Variants in PRKD1 observed in about 807,000 individuals in gnomAD.
The protein encoded by PRKD1 is serine/threonine-protein kinase D1.
PRKD1 carries 63 observed loss-of-function variants against 95.9 expected under a neutral mutation model. The observed-to-expected ratio is 0.66, with a 90% CI of 0.54 to 0.81. The LOEUF (loss-of-function observed/expected upper bound fraction) is 0.81. Ranked by LOEUF, PRKD1 falls within the 30% of genes least tolerant of loss-of-function variation. The probability of loss-of-function intolerance (pLI) is 0.00; values close to 1 mark genes in which losing one functional copy is unlikely to be tolerated. For missense variants in PRKD1, 1,048 were observed against 1,165.3 expected (o/e 0.90, Z 1.47); for synonymous variants, 425 against 423.1 (o/e 1.00, Z -0.05).
At position 29,889,219 on chromosome 14, in the gene PRKD1, T is replaced by G. The variant is rs200014069; in HGVS notation, c.264+38030A>C. On this transcript the variant is annotated intron_variant, in intron 1 of 17. Transcript: ENST00000331968. ...AGCCTTTACTTCATTCAGACTCCAC[T>G]CAGTTGTCACCTCTCCAAGAGGCCC... 6.6e-5 allele frequency among the ~76,000 whole-genome samples: 10 copies of G among 152,318 alleles called. No individual in the cohort carries two copies. The East Asian group carries it at 1.9e-3, about 29-fold the overall frequency.
intron 1 of PRKD1, among the ~76,000 whole-genome samples, chr14:29,824,834 AT>A (rs1452742555): frequency 6.6e-6 from 1 of 152,034 alleles, no homozygotes; most frequent in Non-Finnish European, 1.5e-5. Flanking sequence ...TTACTTATAT[AT>A]ATATATTTTT....
At chr14:29,710,559 T>G (rs984468710) in intron 2 of PRKD1, among the ~76,000 whole-genome samples, 1 of 152,106 alleles carries the variant, frequency 6.6e-6, no homozygotes, top group African/African-American at 2.4e-5. Flanking sequence ...TGAGAAACCG[T>G]CACAGACCAG....
At chr14:29,614,898 G>A (rs970834835) in intron 13 of PRKD1, among the ~76,000 whole-genome samples, 6 of 137,696 alleles carry the variant, frequency 4.4e-5, no homozygotes, top group Non-Finnish European at 7.6e-5. Flanking sequence ...TTTTAGTAGA[G>A]ACAGGGTTTC....
chr14:29,901,452 T>G (rs115841530), intron 1 of PRKD1, among the ~76,000 whole-genome samples: 1 of 152,186 alleles, frequency 6.6e-6, no homozygotes, highest in Admixed American at 6.5e-5. Flanking sequence ...AATATACGCA[T>G]TTAACGAACC....
chr14:29,872,001 C>T (rs1446005130), intron 1 of PRKD1, among the ~76,000 whole-genome samples: 1 of 152,164 alleles, frequency 6.6e-6, no homozygotes, highest in Non-Finnish European at 1.5e-5. Context: ...TGGAAAATGT[C>T]ATTTTCAGTT....
At chr14:29,893,687 A>T (rs551332144) in intron 1 of PRKD1, among the ~76,000 whole-genome samples, 2 of 152,344 alleles carry the variant, frequency 1.3e-5, no homozygotes, top group South Asian at 2.1e-4. Flanking sequence ...GTCTTCCATA[A>T]TATCGCTAGC....
At chr14:29,740,258 T>C (rs1380622425) in intron 1 of PRKD1, among the ~76,000 whole-genome samples, 1 of 152,198 alleles carries the variant, frequency 6.6e-6, no homozygotes, top group Non-Finnish European at 1.5e-5. Flanking sequence ...ATGAAGATTT[T>C]TATATTTCAT....
intron 1 of PRKD1, among the ~76,000 whole-genome samples, chr14:29,904,003 T>C (rs1460901874): frequency 1.3e-5 from 2 of 152,108 alleles, no homozygotes; most frequent in Non-Finnish European, 2.9e-5. Context: ...CACACACACA[T>C]ATAACTGCCT....
intron 1 of PRKD1, among the ~76,000 whole-genome samples, chr14:29,775,814 G>A (rs1888718962): frequency 6.6e-6 from 1 of 152,142 alleles, no homozygotes; most frequent in African/African-American, 2.4e-5. Context: ...TCCCAGCATG[G>A]AGTTTGAGAT....
rs1318208665 is a variant in PRKD1, at chr14:29,821,895, GCAGA to G, written c.265-96225_265-96222del. On this transcript the variant is annotated intron_variant, in intron 1 of 17. Transcript: ENST00000331968. ...ACACACCCACACACAACCTCCTCAA[GCAGA>G]CAGACTCCACAGTCAGAGCAACCTT... 3.3e-5 allele frequency among the ~76,000 whole-genome samples: 5 copies of G among 151,852 alleles called. No homozygotes were observed. The South Asian group carries it at 8.4e-4, about 25-fold the overall frequency.
intron 2 of PRKD1, among the ~76,000 whole-genome samples, chr14:29,683,302 C>T (rs894729793): frequency 6.6e-6 from 1 of 152,106 alleles, no homozygotes; most frequent in Admixed American, 6.6e-5. Context: ...TGACAATGAG[C>T]CCTTACAACT....
At chr14:29,675,551 C>A (rs908426174) in intron 2 of PRKD1, among the ~76,000 whole-genome samples, 1 of 152,082 alleles carries the variant, frequency 6.6e-6, no homozygotes, top group Non-Finnish European at 1.5e-5. Context: ...CTAGTTCAAC[C>A]ATTGTGGAAG....
chr14:29,671,901 T>C (rs1882866233), intron 2 of PRKD1, among the ~76,000 whole-genome samples: 1 of 152,162 alleles, frequency 6.6e-6, no homozygotes, highest in Admixed American at 6.5e-5. Context: ...AAATATTCTA[T>C]AAAATGTTGA....
At chr14:29,888,958 C>G (rs1893839216) in intron 1 of PRKD1, among the ~76,000 whole-genome samples, 1 of 152,160 alleles carries the variant, frequency 6.6e-6, no homozygotes, top group South Asian at 2.1e-4. Flanking sequence ...CAGTTACAGT[C>G]ACCCGAACCT....
intron 2 of PRKD1, among the ~76,000 whole-genome samples, chr14:29,718,810 G>T (rs1422731653): frequency 6.6e-6 from 1 of 152,114 alleles, no homozygotes; most frequent in East Asian, 1.9e-4. Context: ...GGCTGAGAAG[G>T]TGTTGCCCAC....
chr14:29,591,898 G>A (rs1330883078), intron 16 of PRKD1, among the ~76,000 whole-genome samples: 2 of 151,932 alleles, frequency 1.3e-5, no homozygotes, highest in African/African-American at 4.8e-5. Context: ...TCTTGTTCTT[G>A]TTTCTAAAAA....
chr14:29,611,745 C>T (rs936443858), intron 13 of PRKD1, among the ~76,000 whole-genome samples: 1 of 49,394 alleles, frequency 2.0e-5, no homozygotes, highest in Non-Finnish European at 5.9e-5. Context: ...TGAATTATTA[C>T]CAAAAAAAAA....
intron 1 of PRKD1, among the ~76,000 whole-genome samples, chr14:29,819,037 A>G (rs908811544): frequency 1.3e-5 from 2 of 152,182 alleles, no homozygotes; most frequent in African/African-American, 2.4e-5. Context: ...CAAAAAGTCA[A>G]TGTCAGAAAA....
intron 1 of PRKD1, among the ~76,000 whole-genome samples, chr14:29,794,276 TTAAAGTA>T (rs541090566): frequency 1.7e-3 from 256 of 151,780 alleles, no homozygotes; most frequent in African/African-American, 5.9e-3. Flanking sequence ...TATATTCTTT[TTAAAGTA>T]TAAAATATGC....
Sources: gnomAD v4.1 joint callset for allele counts (sites outside exome capture counted in the v4.1 genomes callset) on GRCh38, gnomAD v4.1.1 for gene constraint, MANE v1.5 for transcripts, NCBI Gene and HGNC (gene_info 2026-07-23, HGNC 2026-07-21) for gene names.